Variants in STK10 observed in about 807,000 individuals in gnomAD.
The protein encoded by STK10 is serine/threonine-protein kinase 10.
STK10 carries 78 observed loss-of-function variants against 113.8 expected under a neutral mutation model. The observed-to-expected ratio is 0.69, with a 90% CI of 0.57 to 0.83. The LOEUF (loss-of-function observed/expected upper bound fraction) is 0.83. Ranked by LOEUF, STK10 falls within the 40% of genes least tolerant of loss-of-function variation. The pLI is 0.00. For missense variants in STK10, 1,109 were observed against 1,280.1 expected (o/e 0.87, Z 2.04); for synonymous variants, 465 against 494.7 (o/e 0.94, Z 0.80).
rs1388536274 is a variant in STK10, at chr5:172,093,110, G to A, written c.1554+302C>T. The stretch of plus-strand genomic sequence containing the variant: ...ATTTACCAGTTATCAGCTGGGTCTC[G>A]TGGCTGACCTCTGGATGACAGAACT... On this transcript the variant is annotated intron_variant, in intron 9 of 18. Transcript: ENST00000176763. The surrounding 1 kb of genome is among the most constrained non-coding windows in gnomAD (Gnocchi z 4.1). 6.6e-6 allele frequency among the ~76,000 whole-genome samples: 1 copy of A among 152,196 alleles called. No individual in the cohort carries two copies. Among genetic ancestry groups the A allele is most frequent in the Non-Finnish European group, 1.5e-5 (1 of 68,034 alleles).
chr5:172,107,453 A>G (rs1769140023), intron 5 of STK10, among the ~76,000 whole-genome samples: 1 of 152,218 alleles, frequency 6.6e-6, no homozygotes, highest in Admixed American at 6.5e-5. Flanking sequence ...CCGGCCCTCA[A>G]TACATACGTG....
chr5:172,103,708 C>T (rs2113760248), intron 7 of STK10, among the ~76,000 whole-genome samples: 1 of 152,200 alleles, frequency 6.6e-6, no homozygotes, highest in East Asian at 1.9e-4. Flanking sequence ...TGACCCCCCA[C>T]CCCCGGCAGT....
At chr5:172,156,974 C>A (rs62381983) in intron 1 of STK10, among the ~76,000 whole-genome samples, 186 bp from the exon 2 acceptor site, 7,412 of 152,210 alleles carry the variant, frequency 0.049, 242 homozygotes, top group Non-Finnish European at 0.076. Context: ...GTACCATACA[C>A]CCCTACAACA....
chr5:172,055,712 T>C lies in STK10; in HGVS notation c.2402A>G (p.Gln801Arg). 6.3e-7 allele frequency: 1 copy of C among 1,582,448 alleles called. No homozygotes were observed. Among genetic ancestry groups the C allele is most frequent in the Non-Finnish European group, 8.6e-7 (1 of 1,161,386 alleles). Residue 801 changes from glutamine to arginine, a missense_variant, in exon 16 of 19, where the codon CAG (glutamine) becomes CGG (arginine). Coordinates refer to ENST00000176763, the MANE Select transcript of STK10 (RefSeq NM_005990.4). ...MIEQLKVRQQ[Q>R]EKARLPKIQR... ...GATCTTGGGCAGCCGCGCCTTTTCC[T>C]GTTGCTGCCGCACCTTCAGCTGCTC...
rs565269774 is a variant in STK10, at chr5:172,056,641, G to A, written c.2337+708C>T. On this transcript the variant is annotated intron_variant, in intron 15 of 18. Coordinates refer to ENST00000176763, the MANE Select transcript of STK10 (RefSeq NM_005990.4). ...CTGGCACTTTGGGAGGCCAAGGCGGGCAGATCACTTGAGGTCAGGGGTTTG... is the reference window on the plus strand; with the variant it reads ...CTGGCACTTTGGGAGGCCAAGGCGGACAGATCACTTGAGGTCAGGGGTTTG... Among the ~76,000 whole-genome samples the A allele has an allele frequency of 2.0e-5, 3 of 152,180 alleles. No individual in the cohort carries two copies. The East Asian group carries it at 5.8e-4, about 29-fold the overall frequency.
chr5:172,104,017 A>C (rs1424355418), intron 7 of STK10, among the ~76,000 whole-genome samples: 2 of 152,224 alleles, frequency 1.3e-5, no homozygotes, highest in Non-Finnish European at 2.9e-5. Context: ...ATAATAACTA[A>C]GCTGCTACCC....
chr5:172,110,569 C>A (rs1412575233), intron 4 of STK10, among the ~76,000 whole-genome samples: 1 of 152,072 alleles, frequency 6.6e-6, no homozygotes, highest in Non-Finnish European at 1.5e-5. Context: ...GGAGGTATTT[C>A]CAGGCAGAGA....
chr5:172,048,414 T>TACACACATACACACACAC (rs1767542889), intron 18 of STK10, among the ~76,000 whole-genome samples: 1 of 128,394 alleles, frequency 7.8e-6, no homozygotes, highest in African/African-American at 3.1e-5. Flanking sequence ...TCCCTCTCCC[T>TACACACATACACACACAC]ACACACACAC....
chr5:172,159,542 C>T (rs868818886), intron 1 of STK10, among the ~76,000 whole-genome samples: 2 of 152,086 alleles, frequency 1.3e-5, no homozygotes, highest in African/African-American at 4.8e-5. Context: ...AAGAAAACAG[C>T]CGGGCACAGT....
intron 12 of STK10, among the ~76,000 whole-genome samples, chr5:172,073,997 T>G (rs149870926): frequency 6.6e-6 from 1 of 150,802 alleles, no homozygotes; most frequent in Non-Finnish European, 1.5e-5. Context: ...AATTCGAATA[T>G]AAATATAAAA....
At chr5:172,090,158 C>T (rs1161453629) in intron 10 of STK10, 74 bp downstream of exon 10, 2 of 1,574,632 alleles carry the variant, frequency 1.3e-6, no homozygotes, top group Non-Finnish European at 1.7e-6. Flanking sequence ...GCCCTCTCAC[C>T]AAAGGACCAA....
chr5:172,055,017 C>T (rs1409257194), intron 16 of STK10, among the ~76,000 whole-genome samples: 1 of 152,124 alleles, frequency 6.6e-6, no homozygotes, highest in Non-Finnish European at 1.5e-5. Context: ...GGGAAGCTGG[C>T]CAAATAAAAG....
chr5:172,142,863 A>G (rs1027810322), intron 2 of STK10, among the ~76,000 whole-genome samples: 1 of 152,212 alleles, frequency 6.6e-6, no homozygotes, highest in Non-Finnish European at 1.5e-5. Flanking sequence ...GGAAGCCACA[A>G]ACAGGCTGGG....
intron 12 of STK10, among the ~76,000 whole-genome samples, chr5:172,065,915 G>A (rs1251682227): frequency 1.3e-5 from 2 of 152,194 alleles, no homozygotes; most frequent in African/African-American, 2.4e-5. Flanking sequence ...GCCAGCAAGT[G>A]TTCTTTCCTT....
At chr5:172,168,937 A>G (rs773205455) in intron 1 of STK10, among the ~76,000 whole-genome samples, 2 of 152,098 alleles carry the variant, frequency 1.3e-5, no homozygotes, top group Non-Finnish European at 2.9e-5. Flanking sequence ...AAGCTAACGC[A>G]GGAGCTCCCT....
intron 3 of STK10, among the ~76,000 whole-genome samples, chr5:172,123,161 G>C (rs17671267): frequency 0.17 from 26,200 of 152,200 alleles, 2,557 homozygotes; most frequent in African/African-American, 0.26. Flanking sequence ...CCAGCCATGC[G>C]GGGCAAAGTG....
At chr5:172,056,966 A>AGAAAGAAG in intron 15 of STK10, 1 of 88,588 alleles carries the variant, frequency 1.1e-5, no homozygotes, top group South Asian at 2.9e-4. Context: ...AAAGAAAGAA[A>AGAAAGAAG]GAAAGAAAGA....
At chr5:172,155,973 C>G (rs1455200273) in intron 2 of STK10, among the ~76,000 whole-genome samples, 1 of 148,754 alleles carries the variant, frequency 6.7e-6, no homozygotes, top group Non-Finnish European at 1.5e-5. Context: ...CCAGCCTGGG[C>G]AACAGAACGA....
At chr5:172,106,968 A>G (rs928793966) in intron 5 of STK10, 154 bp from the exon 6 acceptor site, 20 of 688,498 alleles carry the variant, frequency 2.9e-5, no homozygotes, top group Non-Finnish European at 3.9e-5. Flanking sequence ...TGTCTTCCTT[A>G]GGACGCTCTT....
Sources: gnomAD v4.1 joint callset for allele counts (sites outside exome capture counted in the v4.1 genomes callset) on GRCh38, gnomAD v4.1.1 for gene constraint, Gnocchi (gnomAD v3.1) non-coding constraint, MANE v1.5 for transcripts, NCBI Gene and HGNC (gene_info 2026-07-23, HGNC 2026-07-21) for gene names.